PCDHGA4: variants seen among roughly 807,000 people sequenced by gnomAD.
The protein encoded by PCDHGA4 is protocadherin gamma subfamily A, 4.
PCDHGA4 carries 38 observed loss-of-function variants against 54.6 expected under a neutral mutation model. The observed-to-expected ratio is 0.70, with a 90% confidence interval of 0.54 to 0.91. PCDHGA4 has a LOEUF of 0.91. Ranked by LOEUF, PCDHGA4 falls within the 40% of genes least tolerant of loss-of-function variation. The pLI, the probability that PCDHGA4 is intolerant of heterozygous loss-of-function variation, is 0.00. For synonymous variants in PCDHGA4, 511 were observed against 512.9 expected (o/e 1.00, Z 0.05); for missense variants, 1,298 against 1,220.9 (o/e 1.06, Z -0.94).
intron 1 of PCDHGA4, chr5:141,394,967 C>T: frequency 6.2e-7 from 1 of 1,613,950 alleles, no homozygotes; most frequent in Non-Finnish European, 8.5e-7. Flanking sequence ...GGCTGAGGCG[C>T]TGGCACAAGT....
intron 1 of PCDHGA4, chr5:141,430,495 T>C: frequency 3.4e-6 from 1 of 293,400 alleles, no homozygotes; most frequent in Non-Finnish European, 6.2e-6. Context: ...GAAATATCCT[T>C]TCTGGGAGTT....
At chr5:141,420,403 G>T in intron 1 of PCDHGA4, 3 of 1,246,014 alleles carry the variant, frequency 2.4e-6, no homozygotes, top group East Asian at 2.8e-5. Context: ...TCAAATTTAT[G>T]GTTATCATTA....
chr5:141,499,260 G>T (rs2099790657), intron 2 of PCDHGA4, among the ~76,000 whole-genome samples: 1 of 152,028 alleles, frequency 6.6e-6, no homozygotes, highest in African/African-American at 2.4e-5. Context: ...GTCTCCATTT[G>T]GTCCCTAGAC....
At chr5:141,409,424 G>A in intron 1 of PCDHGA4, 1 of 1,613,998 alleles carries the variant, frequency 6.2e-7, no homozygotes, top group Non-Finnish European at 8.5e-7. Context: ...GGTGACAGAT[G>A]GAGCCCTGGA....
Position 141,476,102 on chromosome 5 carries a change from C to G in PCDHGA4, c.2515-18705C>G, listed in dbSNP as rs1488747783. The G allele has an allele frequency of 1.3e-6, 2 of 1,576,940 alleles. No homozygotes were observed. Among genetic ancestry groups the G allele is most frequent in the African/African-American group, 2.7e-5 (2 of 73,926 alleles). ...ACGATCTGGACCCCGCTGAGAGGAA[C>G]TGCTTTTGAGTGAGATGGTCCCAGA... On this transcript the variant is annotated intron_variant, in intron 1 of 3. Transcript: ENST00000571252. The surrounding 1 kb of genome is among the most constrained non-coding windows in gnomAD (Gnocchi z 7.6).
intron 1 of PCDHGA4, chr5:141,395,898 GC>G (rs1337402820): frequency 6.6e-6 from 1 of 151,994 alleles, no homozygotes; most frequent in Non-Finnish European, 1.5e-5. Context: ...TGGGCTCCAT[GC>G]CCATGGAGAC....
In PCDHGA4 at chr5:141,357,577, A is replaced by G. The variant is rs1202708968; in HGVS notation, c.2470A>G (p.Ile824Val). 3.7e-6 allele frequency: 6 copies of G among 1,614,078 alleles called. No individual in the cohort carries two copies. The highest frequency in any genetic ancestry group is 5.1e-6 in the Non-Finnish European group (6 of 1,180,030). ...ESCEKSEPLL[I>V]TQDLLETKGD... is the part of the protein sequence containing the mutation. ...TTGTGAGAAAAGCGAGCCTCTTCTG[A>G]TAACTCAGGATTTACTTGAAACAAA... Residue 824 changes from isoleucine (I) to valine (V), a missense_variant, in exon 1 of 4, where the codon ATA becomes GTA. Ile to Val is a conservative substitution (Grantham distance 29, BLOSUM62 3). Transcript: ENST00000571252.
At chr5:141,394,430 C>G in intron 1 of PCDHGA4, 2 of 1,614,244 alleles carry the variant, frequency 1.2e-6, no homozygotes, top group Non-Finnish European at 1.7e-6. Flanking sequence ...ACAGCGGGGA[C>G]CCGCCCCTCA....
intron 3 of PCDHGA4, chr5:141,508,415 A>T (rs2099868684): frequency 6.6e-6 from 1 of 152,158 alleles, no homozygotes; most frequent in Non-Finnish European, 1.5e-5. Context: ...CCACGCAGAG[A>T]CTTGACCAAG....
chr5:141,392,971 G>T (rs2092639952), intron 1 of PCDHGA4: 1 of 1,613,896 alleles, frequency 6.2e-7, no homozygotes, highest in Non-Finnish European at 8.5e-7. Flanking sequence ...AAGGACCTGG[G>T]GCTGGACCCC....
chr5:141,491,409 G>C lies in PCDHGA4; in HGVS notation c.2515-3398G>C, dbSNP rs2099711927. 6.2e-7 allele frequency: 1 copy of C among 1,614,000 alleles called. No homozygotes were observed. Among genetic ancestry groups the C allele is most frequent in the Non-Finnish European group, 8.5e-7 (1 of 1,180,022 alleles). The stretch of plus-strand genomic sequence containing the variant: ...AGTGCCTTCAGGGAAACGCAGACGG[G>C]GACGGGGGTGGAGGGCAGTGCTGCA... On this transcript the variant is annotated intron_variant, in intron 1 of 3. Coordinates refer to ENST00000571252, the MANE Select transcript of PCDHGA4 (RefSeq NM_018917.4). This position sits in a 1 kb window ranked among gnomAD's most constrained non-coding sequence, Gnocchi z 6.9.
chr5:141,386,911 G>A (rs1312159511), intron 1 of PCDHGA4, among the ~76,000 whole-genome samples: 2 of 152,190 alleles, frequency 1.3e-5, no homozygotes, highest in South Asian at 2.1e-4. Flanking sequence ...AGGTCACCAA[G>A]GAATGTAAAA....
Position 141,355,930 on chromosome 5 carries a change from C to G in PCDHGA4, c.823C>G (p.Gln275Glu). ...DTNDNAPVFTQPEYHVSVREN... is the reference protein window; with the variant it reads ...DTNDNAPVFTEPEYHVSVREN... The stretch of plus-strand genomic sequence containing the variant: ...CAACGATAATGCTCCCGTGTTCACT[C>G]AGCCCGAGTACCACGTAAGTGTTCG... The change falls in exon 1 of 4, where the codon CAG (glutamine) becomes GAG (glutamate). Residue 275 changes from glutamine to glutamate, a missense_variant. Physicochemically the swap from Gln to Glu is conservative, Grantham distance 29 (BLOSUM62 2). Transcript: ENST00000571252. 19 of 1,613,870 alleles carry G rather than the reference C, an allele frequency of 1.2e-5. No homozygotes were observed. Among genetic ancestry groups the G allele is most frequent in the Non-Finnish European group, 1.6e-5 (19 of 1,179,872 alleles).
At chr5:141,439,737 A>T (rs947754447) in intron 1 of PCDHGA4, 4 of 152,382 alleles carry the variant, frequency 2.6e-5, no homozygotes, top group Non-Finnish European at 5.9e-5. Flanking sequence ...CAGGAACGGA[A>T]CGGATTTACA....
intron 1 of PCDHGA4, chr5:141,421,420 G>A: frequency 6.2e-7 from 1 of 1,614,084 alleles, no homozygotes; most frequent in Admixed American, 1.7e-5. Context: ...GAAGCGCGGA[G>A]TCCGCATCGT....
intron 1 of PCDHGA4, chr5:141,415,357 C>T: frequency 6.2e-7 from 1 of 1,614,250 alleles, no homozygotes; most frequent in Non-Finnish European, 8.5e-7. Context: ...CAAGTCACGC[C>T]TGCTGCAGGC....
At chr5:141,441,638 G>A (rs1456506194) in intron 1 of PCDHGA4, 2 of 226,008 alleles carry the variant, frequency 8.8e-6, no homozygotes, top group Non-Finnish European at 1.8e-5. Flanking sequence ...AGCCACAGGC[G>A]CTGTGATTCT....
Position 141,431,605 on chromosome 5 carries a change from G to A in PCDHGA4, c.2515-63202G>A. ...ATGCGGAAGTGAGGTATTCCTTCCGGTATGTGGACGACAAGGCGGCCCAAG... is the reference window on the plus strand; with the variant it reads ...ATGCGGAAGTGAGGTATTCCTTCCGATATGTGGACGACAAGGCGGCCCAAG... On this transcript the variant is annotated intron_variant, in intron 1 of 3. Transcript: ENST00000571252. This position sits in a 1 kb window ranked among gnomAD's most constrained non-coding sequence, Gnocchi z 4.8. 2 of 1,614,236 alleles carry A rather than the reference G, an allele frequency of 1.2e-6. No individual in the cohort carries two copies. The highest frequency in any genetic ancestry group is 1.7e-6 in the Non-Finnish European group (2 of 1,180,044).
chr5:141,423,299 C>T (rs1225422770), intron 1 of PCDHGA4: 2 of 1,614,128 alleles, frequency 1.2e-6, no homozygotes, highest in Non-Finnish European at 1.7e-6. Context: ...TCAGACCTCT[C>T]GCTGTACTTG....
Sources: allele counts gnomAD v4.1 joint callset (sites outside exome capture counted in the v4.1 genomes callset), GRCh38; gene constraint gnomAD v4.1.1; non-coding constraint Gnocchi (gnomAD v3.1); transcripts MANE v1.5; gene names NCBI Gene and HGNC (gene_info 2026-07-23, HGNC 2026-07-21).